Variants in KRT86 observed in about 807,000 individuals in gnomAD.
KRT86 encodes the protein keratin, type II cuticular Hb6.
A neutral mutation model predicts 41.2 loss-of-function variants in KRT86; 30 were observed. The ratio of observed to expected loss-of-function variants is 0.73; its 90% CI spans 0.54 to 0.99. The LOEUF is 0.99. Ranked by LOEUF, KRT86 falls within the 50% of genes least tolerant of loss-of-function variation. The pLI is 0.00. For missense variants in KRT86, 561 were observed against 571.4 expected, an observed-to-expected ratio of 0.98 and a Z score of 0.19; for synonymous variants, 238 against 238.1, an observed-to-expected ratio of 1.00 and a Z score of 0.00.
chr12:52,302,846 G>GGA (rs1938416282), intron 3 of KRT86, among the ~76,000 whole-genome samples: 3 of 122,666 alleles, frequency 2.4e-5, no homozygotes, highest in Admixed American at 7.9e-5. Flanking sequence ...GGGGGTGGGG[G>GGA]GGGGGTCACT....
intron 2 of KRT86, among the ~76,000 whole-genome samples, chr12:52,296,656 G>A (rs1012943420): frequency 9.3e-6 from 1 of 107,954 alleles, no homozygotes; most frequent in Non-Finnish European, 2.0e-5. Flanking sequence ...GCAGGGCTCT[G>A]ACTTGGGCTC....
Position 52,306,128 on chromosome 12 carries a change from C to G in KRT86, c.1095C>G (p.Arg365=). 2 of 1,614,042 alleles carry G rather than the reference C, an allele frequency of 1.2e-6. No homozygotes were observed. Among genetic ancestry groups the G allele is most frequent in the Non-Finnish European group, 1.7e-6 (2 of 1,180,042 alleles). ...GTGAGGCGGCCCTCAGCGATGCCCGCTGCAAGTTGGCCGAGCTGGAGGGTG... is the reference window on the plus strand; with the variant it reads ...GTGAGGCGGCCCTCAGCGATGCCCGGTGCAAGTTGGCCGAGCTGGAGGGTG... ...QQGEAALSDA[R]CKLAELEGAL... The change falls in exon 9 of 11, where the codon CGC becomes CGG. Residue 365 remains arginine, a synonymous_variant. Transcript: ENST00000423955.
intron 1 of KRT86, 72 bp from the exon 2 acceptor site, chr12:52,275,749 C>A: frequency 1.5e-6 from 1 of 659,466 alleles, no homozygotes. Context: ...CTGGTGACAG[C>A]AGGTGGATGG....
intron 2 of KRT86, chr12:52,287,033 C>G: frequency 6.2e-7 from 1 of 1,611,582 alleles, no homozygotes; most frequent in Admixed American, 1.7e-5. Context: ...ATTGCTCAGC[C>G]AAGGCCAAGG....
chr12:52,287,107 C>T (rs1463427376), intron 2 of KRT86: 4 of 1,612,942 alleles, frequency 2.5e-6, no homozygotes, highest in South Asian at 1.1e-5. Context: ...CCCACCTCTG[C>T]TCCTCGCCCT....
chr12:52,279,198 T>A (rs1937712618), intron 2 of KRT86: 1 of 152,258 alleles, frequency 6.6e-6, no homozygotes, highest in African/African-American at 2.4e-5. Flanking sequence ...TCCGTGGGCT[T>A]TAGCTACACA....
At chr12:52,306,306 C>T in intron 9 of KRT86, 26 bp downstream of exon 9, 2 of 1,613,010 alleles carry the variant, frequency 1.2e-6, no homozygotes, top group Non-Finnish European at 8.5e-7. Context: ...CTTTCCCTTT[C>T]CCAGCCCTGC....
At position 52,302,226 on chromosome 12, in the gene KRT86, CAGG is replaced by C. The variant is rs1242291671; in HGVS notation, c.316_318del (p.Glu106del). 7.2e-6 allele frequency: 8 copies of C among 1,104,360 alleles called. No individual in the cohort carries two copies. In the East Asian group the frequency reaches 8.0e-5, roughly 11 times the overall value. 68.4% of individuals were successfully genotyped at this position (1,104,360 alleles called of 1,614,324 possible). On this transcript the variant is annotated inframe_deletion, in exon 3 of 11. Coordinates refer to ENST00000423955, the MANE Select transcript of KRT86 (RefSeq NM_001320198.2). ...CGACCCCAACGCGCAGTGCGTGAAG[CAGG>C]AGGAGAAGGAGCAGATCAAGTCCCT...
At chr12:52,305,207 C>T in intron 6 of KRT86, 33 bp from the exon 7 acceptor site, 1 of 1,614,142 alleles carries the variant, frequency 6.2e-7, no homozygotes, top group Non-Finnish European at 8.5e-7. Flanking sequence ...GGGCTGTGTT[C>T]TCAACTAAAG....
At chr12:52,285,913 T>C (rs1157164535) in intron 2 of KRT86, 12 of 374,604 alleles carry the variant, frequency 3.2e-5, no homozygotes, top group Non-Finnish European at 5.1e-5. Context: ...AAGACCCAGG[T>C]TGGCTACATT....
chr12:52,308,184 G>A (rs748982470), intron 9 of KRT86, 49 bp from the exon 10 acceptor site: 1 of 1,613,516 alleles, frequency 6.2e-7, no homozygotes, highest in Non-Finnish European at 8.5e-7. Flanking sequence ...AGTCACGGGG[G>A]CCCGGCGCCT....
At chr12:52,288,083 C>T in intron 2 of KRT86, 1 of 1,614,178 alleles carries the variant, frequency 6.2e-7, no homozygotes, top group Admixed American at 1.7e-5. Flanking sequence ...TGTTCAGGTC[C>T]CGGCTGTTGT....
At chr12:52,285,981 T>G in intron 2 of KRT86, 1 of 518,792 alleles carries the variant, frequency 1.9e-6, no homozygotes, top group South Asian at 2.1e-5. Flanking sequence ...GGAAGGCAGT[T>G]GCCGTGGGCA....
intron 2 of KRT86, among the ~76,000 whole-genome samples, chr12:52,282,666 C>A (rs1045140389): frequency 3.9e-5 from 6 of 152,208 alleles, no homozygotes; most frequent in Non-Finnish European, 5.9e-5. Context: ...AGAGCAAGGG[C>A]TCCTTGGCCA....
rs368082897 is a variant in KRT86, at chr12:52,301,946, C to T, written c.30C>T (p.Arg10=). 146 of 1,613,678 alleles carry T rather than the reference C, an allele frequency of 9.0e-5. 1 individual carries two copies. The highest frequency in any genetic ancestry group is 1.7e-4 in the Admixed American group (10 of 60,004). The stretch of plus-strand genomic sequence containing the variant: ...CTTGTGGATCTTACTGTGGTGGCCG[C>T]GCCTTCAGCTGCATCTCGGCCTGCG... MTCGSYCGG[R]AFSCISACGP... is the part of the protein sequence containing the mutation. Residue 10 remains arginine, a synonymous_variant, in exon 3 of 11, where the codon CGC becomes CGT. Coordinates refer to ENST00000423955, the MANE Select transcript of KRT86 (RefSeq NM_001320198.2).
rs1455289000 is a variant in KRT86, at chr12:52,304,831, G to A, written c.640-101G>A. 4.7e-6 allele frequency: 6 copies of A among 1,283,436 alleles called. No individual in the cohort carries two copies. The African/African-American group carries it at 7.3e-5, about 16-fold the overall frequency. The allele number at this position is 1,283,436 out of a possible 1,614,324, so 79.5% of individuals were successfully genotyped here. On this transcript the variant is annotated intron_variant, in intron 5 of 10. Coordinates refer to ENST00000423955, the MANE Select transcript of KRT86 (RefSeq NM_001320198.2). The stretch of plus-strand genomic sequence containing the variant: ...AGAGGGCATGGGAATGAGACACTGG[G>A]GACTCCTTTCCCCAGGCTTCATGGA...
intron 2 of KRT86, among the ~76,000 whole-genome samples, chr12:52,294,022 C>A (rs982559147): frequency 2.6e-5 from 4 of 152,176 alleles, no homozygotes; most frequent in Non-Finnish European, 5.9e-5. Flanking sequence ...TTGTGCAGGA[C>A]AAATGTGGGA....
intron 2 of KRT86, among the ~76,000 whole-genome samples, chr12:52,280,930 C>T (rs1021242028): frequency 6.6e-6 from 1 of 152,192 alleles, no homozygotes; most frequent in Non-Finnish European, 1.5e-5. Flanking sequence ...ACCTGCGTCA[C>T]TCAGGACTGT....
intron 2 of KRT86, among the ~76,000 whole-genome samples, chr12:52,288,998 C>T (rs1332102231): frequency 7.4e-6 from 1 of 134,552 alleles, no homozygotes; most frequent in Non-Finnish European, 1.6e-5. Flanking sequence ...GCAGCCATCC[C>T]CTTGCCCAAG....
Sources: gnomAD v4.1 joint callset for allele counts (sites outside exome capture counted in the v4.1 genomes callset) on GRCh38, gnomAD v4.1.1 for gene constraint, MANE v1.5 for transcripts, NCBI Gene and HGNC (gene_info 2026-07-23, HGNC 2026-07-21) for gene names.